Variants in KAT6B observed in about 807,000 individuals in gnomAD.
KAT6B encodes histone acetyltransferase KAT6B.
Under a neutral mutation model 187.5 loss-of-function variants are expected in KAT6B, and 10 were observed. That is an observed-to-expected ratio of 0.05 (90% confidence interval 0.03 to 0.09). The LOEUF is 0.09. Ranked by LOEUF, KAT6B falls within the 10% of genes least tolerant of loss-of-function variation. The probability of loss-of-function intolerance (pLI) is 1.00; values close to 1 mark genes in which losing one functional copy is unlikely to be tolerated. For missense variants in KAT6B, 1,952 were observed against 2,558.9 expected, an observed-to-expected ratio of 0.76 and a Z score of 5.12; for synonymous variants, 861 against 926.8, an observed-to-expected ratio of 0.93 and a Z score of 1.29.
At chr10:74,833,594 G>T (rs1415466473) in intron 1 of KAT6B, among the ~76,000 whole-genome samples, 1 of 152,164 alleles carries the variant, frequency 6.6e-6, no homozygotes, top group Non-Finnish European at 1.5e-5. Context: ...CTTTGCTAGG[G>T]ATTATGGAAA....
intron 3 of KAT6B, among the ~76,000 whole-genome samples, chr10:74,911,979 A>G (rs1470799948): frequency 1.3e-5 from 2 of 151,808 alleles, no homozygotes; most frequent in African/African-American, 4.8e-5. Flanking sequence ...CTAATTTTTA[A>G]TTTTTTTGTA....
chr10:74,906,093 C>A (rs1379406324), intron 3 of KAT6B, among the ~76,000 whole-genome samples: 2 of 152,018 alleles, frequency 1.3e-5, no homozygotes, highest in African/African-American at 4.8e-5. Context: ...ATAGCAATAA[C>A]TGATTAATAG....
chr10:74,911,617 ATGT>A (rs1847208896), intron 3 of KAT6B, among the ~76,000 whole-genome samples: 1 of 152,028 alleles, frequency 6.6e-6, no homozygotes, highest in African/African-American at 2.4e-5. Context: ...TATTGAAAGC[ATGT>A]TGTTGGTTTC....
intron 1 of KAT6B, among the ~76,000 whole-genome samples, 161 bp downstream of exon 1, chr10:74,826,946 AG>A (rs1243335026): frequency 4.6e-5 from 6 of 131,604 alleles, no homozygotes; most frequent in African/African-American, 1.7e-4. Flanking sequence ...GCGTGACGGT[AG>A]GGGGCGGGGG....
rs112428824 is a variant in KAT6B, at chr10:74,884,473, T to C, written c.621+40995T>C. Among the ~76,000 whole-genome samples the C allele has an allele frequency of 1.1e-3, 169 of 152,366 alleles. 5 individuals carry two copies. The highest frequency in any genetic ancestry group is 3.8e-3 in the African/African-American group (160 of 41,588). On this transcript the variant is annotated intron_variant, in intron 3 of 17. Coordinates refer to ENST00000287239, the MANE Select transcript of KAT6B (RefSeq NM_012330.4). Reference sequence around the variant, plus strand: ...CTACTTTATCAGTGAGAGTGTTTCCTTATGTTGTTTTAATTAAAGGAGCAG... The same window carrying C: ...CTACTTTATCAGTGAGAGTGTTTCCCTATGTTGTTTTAATTAAAGGAGCAG...
intron 11 of KAT6B, chr10:74,982,815 G>A (rs1373556381): frequency 6.6e-6 from 1 of 152,242 alleles, no homozygotes; most frequent in African/African-American, 2.4e-5. Flanking sequence ...CAAACGTGAT[G>A]TCCTCTTTCT....
At chr10:74,849,963 G>C (rs1211628381) in intron 3 of KAT6B, among the ~76,000 whole-genome samples, 1 of 149,234 alleles carries the variant, frequency 6.7e-6, no homozygotes, top group African/African-American at 2.5e-5. Flanking sequence ...TTTTGAGACA[G>C]AGTCTCGCTC....
chr10:75,018,157 A>G (rs1389657030), intron 13 of KAT6B, among the ~76,000 whole-genome samples: 1 of 152,222 alleles, frequency 6.6e-6, no homozygotes, highest in African/African-American at 2.4e-5. Context: ...TACAGCACCC[A>G]GGGAAGCATG....
At chr10:74,883,255 T>C (rs1844992617) in intron 3 of KAT6B, among the ~76,000 whole-genome samples, 1 of 152,200 alleles carries the variant, frequency 6.6e-6, no homozygotes, top group African/African-American at 2.4e-5. Context: ...TGCTTGCCGC[T>C]GTCTGAGGAT....
At chr10:74,911,953 A>G (rs910282102) in intron 3 of KAT6B, among the ~76,000 whole-genome samples, 2 of 152,032 alleles carry the variant, frequency 1.3e-5, no homozygotes, top group Admixed American at 1.3e-4. Context: ...CTACATGCGT[A>G]TGCCACCATG....
chr10:74,954,436 C>T (rs1307930253), intron 3 of KAT6B, among the ~76,000 whole-genome samples: 1 of 151,738 alleles, frequency 6.6e-6, no homozygotes, highest in Non-Finnish European at 1.5e-5. Flanking sequence ...TACTTAATGC[C>T]ATTTGAACCA....
chr10:74,843,192 G>C lies in KAT6B; in HGVS notation c.335G>C (p.Arg112Thr). ...LRNVDWNKLL[R>T]RAIEGLEEPN... is the part of the protein sequence containing the mutation. ...AATGTGGATTGGAATAAACTTTTAA[G>C]GAGAGCAATTGAAGGACTTGAGGAG... Residue 112 changes from arginine to threonine, a missense_variant, in exon 3 of 18, where the codon AGG becomes ACG. Transcript: ENST00000287239. 6.2e-7 allele frequency: 1 copy of C among 1,614,216 alleles called. No individual in the cohort carries two copies. Among genetic ancestry groups the C allele is most frequent in the East Asian group, 2.2e-5 (1 of 44,886 alleles).
Position 75,031,066 on chromosome 10 carries a change from A to C in KAT6B, c.*20A>C. The C allele has an allele frequency of 6.2e-7, 1 of 1,613,624 alleles. No individual in the cohort carries two copies. Among genetic ancestry groups the C allele is most frequent in the African/African-American group, 1.3e-5 (1 of 75,008 alleles). On this transcript the variant is annotated 3_prime_UTR_variant, in exon 18 of 18. Coordinates refer to ENST00000287239, the MANE Select transcript of KAT6B (RefSeq NM_012330.4). ...AGGTAGACAACGTGGGCAGTCCACAAAACCTACGGGGCATCACTATTGGAT... is the reference window on the plus strand; with the variant it reads ...AGGTAGACAACGTGGGCAGTCCACACAACCTACGGGGCATCACTATTGGAT...
intron 3 of KAT6B, among the ~76,000 whole-genome samples, chr10:74,894,717 G>T (rs1312558328): frequency 6.6e-6 from 1 of 151,940 alleles, no homozygotes; most frequent in Admixed American, 6.6e-5. Flanking sequence ...TGTCCTCAAG[G>T]TTCATCCATG....
intron 13 of KAT6B, among the ~76,000 whole-genome samples, chr10:74,997,295 G>A (rs989477815): frequency 2.2e-5 from 3 of 139,128 alleles, no homozygotes; most frequent in African/African-American, 8.1e-5. Context: ...GCAGAGGACA[G>A]GAACACAGAA....
rs149186102 is a variant in KAT6B, at chr10:74,974,436, C to G, written c.1062-963C>G. Among the ~76,000 whole-genome samples the G allele has an allele frequency of 1.9e-3, 282 of 152,182 alleles. 1 individual carries two copies. Among genetic ancestry groups the G allele is most frequent in the African/African-American group, 6.2e-3 (257 of 41,516 alleles). On this transcript the variant is annotated intron_variant, in intron 7 of 17. Coordinates refer to ENST00000287239, the MANE Select transcript of KAT6B (RefSeq NM_012330.4). Reference sequence around the variant, plus strand: ...AGCTAAATTGATCATTTTGAAAGTACATTCTTGGGCCCCAGCATTGTCATA... The same window carrying G: ...AGCTAAATTGATCATTTTGAAAGTAGATTCTTGGGCCCCAGCATTGTCATA...
At chr10:74,864,621 A>G (rs1319553410) in intron 3 of KAT6B, among the ~76,000 whole-genome samples, 1 of 152,008 alleles carries the variant, frequency 6.6e-6, no homozygotes, top group Non-Finnish European at 1.5e-5. Flanking sequence ...AGCTCACTGC[A>G]ACTTCCGCCT....
rs950615230 is a variant in KAT6B, at chr10:74,842,840, A to G, written c.-18A>G. 1 of 1,613,506 alleles carries G rather than the reference A, an allele frequency of 6.2e-7. No homozygotes were observed. Among genetic ancestry groups the G allele is most frequent in the Admixed American group, 1.7e-5 (1 of 60,006 alleles). On this transcript the variant is annotated 5_prime_UTR_variant, in exon 3 of 18. Coordinates refer to ENST00000287239, the MANE Select transcript of KAT6B (RefSeq NM_012330.4). ...CCTCTATGGGTAACTTTTGTGTTGAAGAAGTCATTTGTCAACCATGGTAAA... is the reference window on the plus strand; with the variant it reads ...CCTCTATGGGTAACTTTTGTGTTGAGGAAGTCATTTGTCAACCATGGTAAA...
At chr10:75,002,502 TAGGCAAC>T (rs1408124756) in intron 13 of KAT6B, among the ~76,000 whole-genome samples, 2 of 152,174 alleles carry the variant, frequency 1.3e-5, no homozygotes, top group African/African-American at 4.8e-5. Context: ...AATGCACCAT[TAGGCAAC>T]TTCATTGTCG....
Sources: allele counts gnomAD v4.1 joint callset (sites outside exome capture counted in the v4.1 genomes callset), GRCh38; gene constraint gnomAD v4.1.1; transcripts MANE v1.5; gene names NCBI Gene and HGNC (gene_info 2026-07-23, HGNC 2026-07-21).